The following CEP57L1 variants were observed in gnomAD, a reference collection of about 807,000 sequenced individuals.
The protein encoded by CEP57L1 is centrosomal protein 57 like 1, also known as centrosomal protein CEP57L1.
A neutral mutation model predicts 61.0 loss-of-function variants in CEP57L1; 37 were observed. That is an observed-to-expected ratio of 0.61 (90% CI 0.47 to 0.80). The LOEUF (loss-of-function observed/expected upper bound fraction) is 0.80, where lower values mean the gene tolerates loss of function less well. Among genes scored for constraint, CEP57L1 ranks in the 30% least tolerant of loss-of-function variants. CEP57L1 has a pLI of 0.00. For missense variants in CEP57L1, 422 were observed against 524.7 expected (o/e 0.80, Z 1.91); for synonymous variants, 137 against 162.3 (o/e 0.84, Z 1.19).
At position 109,168,211 on chromosome 6, in the gene CEP57L1, C is replaced by T. The variant is rs927906965; in HGVS notation, c.*5241C>T. On this transcript the variant is annotated 3_prime_UTR_variant, in exon 11 of 11. Transcript: ENST00000517392. ...TCTAGGATTTTCACTCTTTATTAGGCTTCTTGATTGAAGATACCAGTTCCT... is the reference window on the plus strand; with the variant it reads ...TCTAGGATTTTCACTCTTTATTAGGTTTCTTGATTGAAGATACCAGTTCCT... Among the ~76,000 whole-genome samples, 3 of 152,182 alleles carry T rather than the reference C, an allele frequency of 2.0e-5. No individual in the cohort carries two copies. The highest frequency in any genetic ancestry group is 4.4e-5 in the Non-Finnish European group (3 of 68,028).
chr6:109,133,561 A>G (rs1405294255), intron 1 of CEP57L1, among the ~76,000 whole-genome samples: 1 of 152,110 alleles, frequency 6.6e-6, no homozygotes, highest in Admixed American at 6.6e-5. Flanking sequence ...GTTATTTAAG[A>G]TCAGAGCAGA....
chr6:109,152,188 A>AT (rs1322493658), intron 4 of CEP57L1, among the ~76,000 whole-genome samples: 5 of 151,210 alleles, frequency 3.3e-5, no homozygotes, highest in Admixed American at 1.3e-4. Context: ...TATCTTTTTT[A>AT]TTTTTTTTGG....
Position 109,159,291 on chromosome 6 carries a change from A to G in CEP57L1, c.845A>G (p.His282Arg), listed in dbSNP as rs754301742. Residue 282 changes from histidine to arginine, a missense_variant, in exon 9 of 11, where the codon CAT (histidine) becomes CGT (arginine). Transcript: ENST00000517392. The part of the protein sequence containing the change: ...AEKMRQHRDP[H>R]ILQKPFNVTE... The stretch of plus-strand genomic sequence containing the variant: ...CAGATGAGGCAACATCGTGACCCAC[A>G]TATCCTTCAGAAACCTTTTAACGTG... 12 of 1,614,048 alleles carry G rather than the reference A, an allele frequency of 7.4e-6. No homozygotes were observed. Among genetic ancestry groups the G allele is most frequent in the South Asian group, 6.6e-5 (6 of 91,074 alleles).
At chr6:109,141,071 C>T (rs1250821151) in intron 1 of CEP57L1, among the ~76,000 whole-genome samples, 1 of 151,848 alleles carries the variant, frequency 6.6e-6, no homozygotes, top group Non-Finnish European at 1.5e-5. Flanking sequence ...ACCTCGTAAT[C>T]CGCCCGCCTC....
rs2114870749 is a variant in CEP57L1 at position 109,146,629 on chromosome 6, GA to G, written c.161-127del. 8.6e-6 allele frequency: 5 copies of G among 582,956 alleles called. No individual in the cohort carries two copies. The South Asian group carries it at 1.3e-4, about 15-fold the overall frequency. The allele number at this position is 582,956 out of a possible 1,614,324, so 36.1% of individuals were successfully genotyped here. A position where few individuals can be genotyped will look rare whatever the true frequency, so the allele number is the denominator to read the frequency against. On this transcript the variant is annotated intron_variant, in intron 2 of 10. Coordinates refer to ENST00000517392, the MANE Select transcript of CEP57L1 (RefSeq NM_001271852.3). ...TAGTCATTATTTTTCATTTTTTGAAGAATATGCATTACTTGTACATTTTTCT... is the reference window on the plus strand; with the variant it reads ...TAGTCATTATTTTTCATTTTTTGAAGATATGCATTACTTGTACATTTTTCT...
intron 1 of CEP57L1, among the ~76,000 whole-genome samples, chr6:109,107,233 T>C (rs1009117282): frequency 4.6e-5 from 7 of 151,952 alleles, no homozygotes; most frequent in African/African-American, 1.7e-4. Context: ...AATCCAACCA[T>C]GATTCACGAA....
In CEP57L1 at chr6:109,172,635, A is replaced by G. The variant is rs139860094; in HGVS notation, c.*9665A>G. On this transcript the variant is annotated 3_prime_UTR_variant, in exon 11 of 11. Coordinates refer to ENST00000517392, the MANE Select transcript of CEP57L1 (RefSeq NM_001271852.3). ...AAGTGATGTGCATTGCTTACCTATC[A>G]TGGCCTCTGGTTAAGGTGTCAGTCT... Among the ~76,000 whole-genome samples the G allele has an allele frequency of 3.3e-3, 499 of 152,294 alleles. 1 individual carries two copies. The highest frequency in any genetic ancestry group is 0.012 in the African/African-American group (481 of 41,558).
rs572660446 is a variant in CEP57L1, at chr6:109,133,607, A to G, written c.-3-11612A>G. Among the ~76,000 whole-genome samples, 213 of 152,126 alleles carry G rather than the reference A, an allele frequency of 1.4e-3. 1 individual carries two copies. The highest frequency in any genetic ancestry group is 2.5e-3 in the Non-Finnish European group (167 of 68,018). ...ATAGAGACACAAAAAAACCCTTCAAAAAATCTGTGAATCCAGGAGCTGGTG... is the reference window on the plus strand; with the variant it reads ...ATAGAGACACAAAAAAACCCTTCAAGAAATCTGTGAATCCAGGAGCTGGTG... On this transcript the variant is annotated intron_variant, in intron 1 of 10. Coordinates refer to ENST00000517392, the MANE Select transcript of CEP57L1 (RefSeq NM_001271852.3).
chr6:109,134,479 A>T (rs1774583302), intron 1 of CEP57L1, among the ~76,000 whole-genome samples: 1 of 152,240 alleles, frequency 6.6e-6, no homozygotes, highest in Admixed American at 6.5e-5. Flanking sequence ...AAAAACTGGA[A>T]GCATGCCCTT....
intron 1 of CEP57L1, 79 bp downstream of exon 1, chr6:109,095,654 A>G: frequency 9.8e-6 from 9 of 921,502 alleles, no homozygotes; most frequent in Non-Finnish European, 1.2e-5. Context: ...TTTTGGAGAC[A>G]AAGCCATCTA....
In CEP57L1 at chr6:109,169,796, C is replaced by G. The variant is rs1250624001; in HGVS notation, c.*6826C>G. Among the ~76,000 whole-genome samples, 3 of 152,158 alleles carry G rather than the reference C, an allele frequency of 2.0e-5. No individual in the cohort carries two copies. The highest frequency in any genetic ancestry group is 6.5e-5 in the Admixed American group (1 of 15,280). On this transcript the variant is annotated 3_prime_UTR_variant, in exon 11 of 11. Transcript: ENST00000517392. Reference sequence around the variant, plus strand: ...TCGGAGAAAAACTATCTGCATGTCTCCAATCTGAAGAGAGCAAAGATCTGT... The same window carrying G: ...TCGGAGAAAAACTATCTGCATGTCTGCAATCTGAAGAGAGCAAAGATCTGT...
chr6:109,170,674 A>G lies in CEP57L1; in HGVS notation c.*7704A>G, dbSNP rs768433397. On this transcript the variant is annotated 3_prime_UTR_variant, in exon 11 of 11. Coordinates refer to ENST00000517392, the MANE Select transcript of CEP57L1 (RefSeq NM_001271852.3). ...GGAAACCCACTTAAAATTAAATTTTAAAAAGCTCTCGAGAAGTCTGTGGAA... is the reference window on the plus strand; with the variant it reads ...GGAAACCCACTTAAAATTAAATTTTGAAAAGCTCTCGAGAAGTCTGTGGAA... Among the ~76,000 whole-genome samples, 1 of 152,244 alleles carries G rather than the reference A, an allele frequency of 6.6e-6. No homozygotes were observed. Among genetic ancestry groups the G allele is most frequent in the Non-Finnish European group, 1.5e-5 (1 of 68,032 alleles).
chr6:109,170,218 C>T lies in CEP57L1; in HGVS notation c.*7248C>T, dbSNP rs1048211330. ...GAAGTTTATTCACCACTACAAATTA[C>T]TAAAGTTAACCTAAACAATTAAAGA... On this transcript the variant is annotated 3_prime_UTR_variant, in exon 11 of 11. Coordinates refer to ENST00000517392, the MANE Select transcript of CEP57L1 (RefSeq NM_001271852.3). 6.6e-6 allele frequency among the ~76,000 whole-genome samples: 1 copy of T among 152,128 alleles called. No individual in the cohort carries two copies. Among genetic ancestry groups the T allele is most frequent in the Non-Finnish European group, 1.5e-5 (1 of 68,010 alleles).
At chr6:109,119,381 A>T (rs1337877591) in intron 1 of CEP57L1, among the ~76,000 whole-genome samples, 1 of 152,186 alleles carries the variant, frequency 6.6e-6, no homozygotes, top group African/African-American at 2.4e-5. Context: ...CTAGGCTGGG[A>T]CACCTAATCA....
In CEP57L1 at chr6:109,129,489, G is replaced by A. The variant is rs921036909; in HGVS notation, c.-3-15730G>A. The A allele has an allele frequency of 1.7e-5, 8 of 471,336 alleles. No individual in the cohort carries two copies. The Admixed American group carries it at 1.9e-4, about 11-fold the overall frequency. The allele number at this position is 471,336 out of a possible 1,614,324, so 29.2% of individuals were successfully genotyped here. A position where few individuals can be genotyped will look rare whatever the true frequency, so the allele number is the denominator to read the frequency against. On this transcript the variant is annotated intron_variant, in intron 1 of 10. Coordinates refer to ENST00000517392, the MANE Select transcript of CEP57L1 (RefSeq NM_001271852.3). ...AAACAAAATTCTGATCTTCCCAGAT[G>A]AAGGTAGAGTACTCTTCTGGCTGCA...
intron 1 of CEP57L1, among the ~76,000 whole-genome samples, chr6:109,109,069 G>T (rs1408582666): frequency 6.6e-6 from 1 of 152,110 alleles, no homozygotes; most frequent in Non-Finnish European, 1.5e-5. Flanking sequence ...TGGACAATTT[G>T]CTCTTCGTTA....
At chr6:109,123,769 C>G (rs1181981120) in intron 1 of CEP57L1, among the ~76,000 whole-genome samples, 1 of 152,026 alleles carries the variant, frequency 6.6e-6, no homozygotes, top group African/African-American at 2.4e-5. Flanking sequence ...CAGGAAATAC[C>G]TAAATAGATC....
intron 1 of CEP57L1, among the ~76,000 whole-genome samples, chr6:109,101,707 G>A (rs941045309): frequency 1.3e-5 from 2 of 148,422 alleles, no homozygotes; most frequent in Non-Finnish European, 1.5e-5. Flanking sequence ...TGCAAACTCC[G>A]CTGCCGGGTT....
intron 1 of CEP57L1, among the ~76,000 whole-genome samples, chr6:109,120,403 T>C (rs1251300334): frequency 1.3e-5 from 2 of 152,212 alleles, no homozygotes; most frequent in Non-Finnish European, 2.9e-5. Flanking sequence ...TAGGAAAGTC[T>C]CCAAAAGAAA....
Sources: gnomAD v4.1 joint callset for allele counts (sites outside exome capture counted in the v4.1 genomes callset) on GRCh38, gnomAD v4.1.1 for gene constraint, MANE v1.5 for transcripts, NCBI Gene and HGNC (gene_info 2026-07-23, HGNC 2026-07-21) for gene names.